The following GSE1 variants were observed in gnomAD, a reference collection of about 807,000 sequenced individuals.
The protein encoded by GSE1 is genetic suppressor element 1.
Under a neutral mutation model 112.6 loss-of-function variants are expected in GSE1, and 32 were observed. The ratio of observed to expected loss-of-function variants is 0.28; its 90% CI spans 0.21 to 0.38. The LOEUF (loss-of-function observed/expected upper bound fraction) is 0.38, where lower values mean the gene tolerates loss of function less well. GSE1 is among the 10% of genes least tolerant of loss of function. The pLI is 1.00. For synonymous variants in GSE1, 1,115 were observed against 735.6 expected (o/e 1.52, Z -8.35); for missense variants, 2,348 against 1,699.2 (o/e 1.38, Z -6.71).
intron 2 of GSE1, among the ~76,000 whole-genome samples, chr16:85,396,442 T>A (rs1164786986): frequency 6.6e-6 from 1 of 152,180 alleles, no homozygotes; most frequent in Admixed American, 6.5e-5. Context: ...CCACACCCCT[T>A]CCACCTCCCC....
intron 2 of GSE1, among the ~76,000 whole-genome samples, chr16:85,500,745 G>A (rs980800851): frequency 6.6e-6 from 1 of 152,196 alleles, no homozygotes; most frequent in Admixed American, 6.5e-5. Context: ...TGGAGAGGGG[G>A]CTTGAAACAA....
chr16:85,480,151 A>C (rs1263267098), intron 2 of GSE1, among the ~76,000 whole-genome samples: 2 of 152,164 alleles, frequency 1.3e-5, no homozygotes, highest in Non-Finnish European at 2.9e-5. Flanking sequence ...CGGAGAGGTG[A>C]AGTAAGGAGC....
intron 2 of GSE1, among the ~76,000 whole-genome samples, chr16:85,549,424 C>T (rs560000713): frequency 8.2e-4 from 125 of 152,290 alleles, no homozygotes; most frequent in Admixed American, 2.2e-3. Flanking sequence ...GCAGTCCTTC[C>T]ACCTCGGCCT....
At chr16:85,322,067 G>A (rs932132322) in intron 1 of GSE1, among the ~76,000 whole-genome samples, 2 of 152,234 alleles carry the variant, frequency 1.3e-5, no homozygotes, top group Non-Finnish European at 2.9e-5. Flanking sequence ...TGCGTGGGAA[G>A]GTGCCTGAGG....
rs574834295 is a variant in GSE1, at chr16:85,570,697, G to A, written c.37+14334G>A. ...ACTTTGTTCTCCTTGCCCTGGTTTG[G>A]AAAGAGACGTTGGCTTCTTGCAAGT... is the stretch of plus-strand genomic sequence containing the variant. On this transcript the variant is annotated intron_variant, in intron 1 of 2. Transcript: ENST00000635906. Among the ~76,000 whole-genome samples, 258 of 152,342 alleles carry A rather than the reference G, an allele frequency of 1.7e-3. 1 individual carries two copies. The highest frequency in any genetic ancestry group is 3.5e-3 in the Admixed American group (53 of 15,310).
chr16:85,278,653 A>G (rs2044765592), intron 1 of GSE1, among the ~76,000 whole-genome samples: 1 of 152,234 alleles, frequency 6.6e-6, no homozygotes, highest in South Asian at 2.1e-4. Flanking sequence ...AATTATCAGT[A>G]AGAATAATTT....
At chr16:85,454,146 A>G (rs2049760192) in intron 2 of GSE1, among the ~76,000 whole-genome samples, 1 of 152,252 alleles carries the variant, frequency 6.6e-6, no homozygotes, top group Non-Finnish European at 1.5e-5. Context: ...CAGTAAAAAT[A>G]AGAGCAACCA....
In GSE1 at chr16:85,671,085, C is replaced by T; in HGVS notation, c.3506C>T (p.Ser1169Phe). 1 of 1,601,832 alleles carries T rather than the reference C, an allele frequency of 6.2e-7. No individual in the cohort carries two copies. The highest frequency in any genetic ancestry group is 8.6e-7 in the Non-Finnish European group (1 of 1,168,956). ...CTCAGCCTGACGGCAGAGCAGCTCT[C>T]CCACAGCGTGGCGGTGAGTTGGGAA... ...YSLSLTAEQLSHSVAELRSQK... is the reference protein window; with the variant it reads ...YSLSLTAEQLFHSVAELRSQK... The change falls in exon 15 of 16, where the codon TCC becomes TTC. Residue 1169 changes from serine to phenylalanine, a missense_variant. Physicochemically the swap from Ser to Phe is radical, Grantham distance 155. Transcript: ENST00000253458.
intron 2 of GSE1, among the ~76,000 whole-genome samples, chr16:85,485,660 G>A (rs144806490): frequency 1.0e-3 from 155 of 152,354 alleles, no homozygotes; most frequent in African/African-American, 3.4e-3. Context: ...TGCGCAGCCC[G>A]CCGGGCCAGC....
chr16:85,392,150 C>T lies in GSE1; in HGVS notation c.2464+34507C>T, dbSNP rs117636301. Among the ~76,000 whole-genome samples, 210 of 152,208 alleles carry T rather than the reference C, an allele frequency of 1.4e-3. 2 individuals are homozygous for T. The highest frequency in any genetic ancestry group is 0.011 in the Admixed American group (162 of 15,284). ...CTGCCCTTGATCCTTGTCCTGGGAT[C>T]CGCCTCTTGAGGAACCCAAATGAAG... On this transcript the variant is annotated intron_variant, in intron 2 of 2. Transcript: ENST00000637419.
At chr16:85,580,701 C>G (rs560284659) in intron 1 of GSE1, among the ~76,000 whole-genome samples, 1 of 152,180 alleles carries the variant, frequency 6.6e-6, no homozygotes, top group Non-Finnish European at 1.5e-5. Context: ...GGAAATGGAG[C>G]CTCTAAGGAA....
chr16:85,585,850 G>A (rs1312456949), intron 1 of GSE1, among the ~76,000 whole-genome samples: 1 of 152,220 alleles, frequency 6.6e-6, no homozygotes. Context: ...ACCTGTGTGA[G>A]GAGTGTGGAC....
chr16:85,321,903 C>T (rs984090834), intron 1 of GSE1, among the ~76,000 whole-genome samples: 7 of 152,208 alleles, frequency 4.6e-5, no homozygotes, highest in African/African-American at 1.7e-4. Context: ...CTAGAAGGAC[C>T]TAAGCAGATG....
At chr16:85,345,396 A>G (rs894591967) in intron 1 of GSE1, among the ~76,000 whole-genome samples, 7 of 152,202 alleles carry the variant, frequency 4.6e-5, no homozygotes, top group African/African-American at 1.7e-4. Context: ...TCAGCCCACA[A>G]AGCCAAAAAA....
At chr16:85,336,621 A>G (rs1170708881) in intron 1 of GSE1, among the ~76,000 whole-genome samples, 2 of 147,840 alleles carry the variant, frequency 1.4e-5, no homozygotes, top group Non-Finnish European at 1.5e-5. Flanking sequence ...TTTTTTTTCG[A>G]GTTGAAGTCT....
At chr16:85,264,373 C>T (rs952350312) in intron 1 of GSE1, among the ~76,000 whole-genome samples, 1 of 152,036 alleles carries the variant, frequency 6.6e-6, no homozygotes, top group Non-Finnish European at 1.5e-5. Flanking sequence ...TAGAGGGGAG[C>T]CCTGGCCTCA....
At chr16:85,514,828 A>G (rs1355882062) in intron 2 of GSE1, among the ~76,000 whole-genome samples, 5 of 152,168 alleles carry the variant, frequency 3.3e-5, no homozygotes, top group Non-Finnish European at 7.3e-5. Flanking sequence ...CTGTCCCTGC[A>G]GGGATCCTGG....
Position 85,654,434 on chromosome 16 carries a change from C to A in GSE1, c.583C>A (p.Arg195Ser). The A allele has an allele frequency of 6.4e-7, 1 of 1,564,328 alleles. No homozygotes were observed. The highest frequency in any genetic ancestry group is 8.7e-7 in the Non-Finnish European group (1 of 1,153,476). ...CCCCAGCTCAGTTGTGCAGGATTCCCGCTTCCCGCCACTCAAGTAAGTTGG... is the reference window on the plus strand; with the variant it reads ...CCCCAGCTCAGTTGTGCAGGATTCCAGCTTCCCGCCACTCAAGTAAGTTGG... ...LSPSSVVQDSRFPPLNLQRPV... is the reference protein window; with the variant it reads ...LSPSSVVQDSSFPPLNLQRPV... The change falls in exon 4 of 16, where the codon CGC (arginine) becomes AGC (serine). Residue 195 changes from arginine (R) to serine (S), a missense_variant. Coordinates refer to ENST00000253458, the MANE Select transcript of GSE1 (RefSeq NM_014615.5).
At chr16:85,555,334 C>G (rs1046107865), upstream of GSE1, 3 of 985,050 alleles carry the variant, frequency 3.0e-6, no homozygotes, top group African/African-American at 3.5e-5. Context: ...TTCTCCTCCT[C>G]CTTCCACCCC....
Sources: allele counts gnomAD v4.1 joint callset (sites outside exome capture counted in the v4.1 genomes callset), GRCh38; gene constraint gnomAD v4.1.1; transcripts MANE v1.5; gene names NCBI Gene and HGNC (gene_info 2026-07-23, HGNC 2026-07-21).